The following COL4A2 variants were observed in gnomAD, a reference collection of about 807,000 sequenced individuals.
COL4A2 encodes the protein collagen type IV alpha 2 chain, also known as collagen alpha-2(IV) chain.
In COL4A2, 99 loss-of-function variants were observed where a neutral mutation model predicts 200.2. The ratio of observed to expected loss-of-function variants is 0.49; its 90% confidence interval spans 0.42 to 0.58. The LOEUF (loss-of-function observed/expected upper bound fraction) is 0.58, where lower values mean the gene tolerates loss of function less well. Ranked by LOEUF, COL4A2 falls within the 20% of genes least tolerant of loss-of-function variation. The probability of loss-of-function intolerance (pLI) is 0.00; values close to 1 mark genes in which losing one functional copy is unlikely to be tolerated. For missense variants in COL4A2, 1,950 were observed against 2,314.1 expected, an observed-to-expected ratio of 0.84 and a Z score of 3.23; for synonymous variants, 897 against 900.6, an observed-to-expected ratio of 1.00 and a Z score of 0.07.
intron 46 of COL4A2, among the ~76,000 whole-genome samples, chr13:110,507,198 C>A (rs1366999708): frequency 6.6e-6 from 1 of 152,212 alleles, no homozygotes; most frequent in African/African-American, 2.4e-5. Flanking sequence ...TCTGCCTCCT[C>A]GGTGCAGGTT....
intron 4 of COL4A2, among the ~76,000 whole-genome samples, chr13:110,384,242 G>C (rs1878598691): frequency 6.6e-6 from 1 of 152,228 alleles, no homozygotes. Flanking sequence ...GAAGTACATG[G>C]AAGACCTGGA....
At chr13:110,455,419 G>A (rs543418878) in intron 20 of COL4A2, among the ~76,000 whole-genome samples, 41 of 152,230 alleles carry the variant, frequency 2.7e-4, no homozygotes, top group African/African-American at 9.6e-4. Context: ...CACTTCCTCA[G>A]AAAGGACTCA....
At chr13:110,507,901 C>G (rs1566574663) in intron 46 of COL4A2, 34 bp from the exon 47 acceptor site, 1 of 1,603,990 alleles carries the variant, frequency 6.2e-7, no homozygotes, top group African/African-American at 1.3e-5. Flanking sequence ...TCTAGCCACA[C>G]TGCACTGTGA....
chr13:110,510,380 C>G (rs1884044130), intron 47 of COL4A2, among the ~76,000 whole-genome samples: 1 of 152,242 alleles, frequency 6.6e-6, no homozygotes, highest in South Asian at 2.1e-4. Flanking sequence ...CTACAAGTAT[C>G]TAGCCAGCCG....
chr13:110,397,054 T>G (rs1387496527), intron 4 of COL4A2, among the ~76,000 whole-genome samples: 2 of 152,172 alleles, frequency 1.3e-5, no homozygotes, highest in Non-Finnish European at 2.9e-5. Context: ...CTACCATCCT[T>G]GGTCATAACG....
At chr13:110,478,199 C>G in intron 30 of COL4A2, 35 bp downstream of exon 30, 1 of 1,489,360 alleles carries the variant, frequency 6.7e-7, no homozygotes, top group Non-Finnish European at 9.0e-7. Flanking sequence ...CGAGTGGGGT[C>G]CTCACTGGTC....
Position 110,495,457 on chromosome 13 carries a change from A to G in COL4A2, c.3750A>G (p.Gln1250=), listed in dbSNP as rs765179286. 1.2e-6 allele frequency: 2 copies of G among 1,612,716 alleles called. No individual in the cohort carries two copies. Among genetic ancestry groups the G allele is most frequent in the Admixed American group, 3.3e-5 (2 of 59,744 alleles). Residue 1250 remains glutamine, a synonymous_variant, in exon 40 of 48, where the codon CAA becomes CAG. Transcript: ENST00000360467. ...PVGVPGQKGD[Q]GAPGERGPPG... Reference sequence around the variant, plus strand: ...GAGTCCCAGGACAGAAAGGAGACCAAGGAGCTCCAGGTGAGGCCACACATT... The same window carrying G: ...GAGTCCCAGGACAGAAAGGAGACCAGGGAGCTCCAGGTGAGGCCACACATT...
chr13:110,364,572 GGAAA>G lies in COL4A2; in HGVS notation c.180+7027_180+7030del, dbSNP rs1877661504. ...TTCAAGAGAATGGTTAAATCTCGCT[GGAAA>G]GAAAGAGCCACATTATGCTCTGAAG... On this transcript the variant is annotated intron_variant, in intron 4 of 47. Coordinates refer to ENST00000360467, the MANE Select transcript of COL4A2 (RefSeq NM_001846.4). Among the ~76,000 whole-genome samples the G allele has an allele frequency of 4.6e-5, 7 of 152,232 alleles. No individual in the cohort carries two copies. In the South Asian group the frequency reaches 1.5e-3, roughly 32 times the overall value.
chr13:110,430,232 TCTGA>T (rs1880625536), intron 8 of COL4A2, 165 bp from the exon 9 acceptor site: 2 of 817,514 alleles, frequency 2.4e-6, no homozygotes, highest in African/African-American at 3.5e-5. Context: ...TAAAATATAT[TCTGA>T]CTAAATAACA....
At position 110,307,799 on chromosome 13, in the gene COL4A2, G is replaced by T. The variant is rs965256834; in HGVS notation, c.-44-61G>T. Reference sequence around the variant, plus strand: ...CCCCGCGTCTCGCGGACCGAGACCGGCGGTGAGGATGGGCTGCCTCCCTCA... The same window carrying T: ...CCCCGCGTCTCGCGGACCGAGACCGTCGGTGAGGATGGGCTGCCTCCCTCA... On this transcript the variant is annotated intron_variant, in intron 1 of 47. Transcript: ENST00000360467. This position sits in a 1 kb window ranked among gnomAD's most constrained non-coding sequence, Gnocchi z 5.0. 202 of 1,431,278 alleles carry T rather than the reference G, an allele frequency of 1.4e-4. 1 individual carries two copies. Among genetic ancestry groups the T allele is most frequent in the Admixed American group, 2.2e-5 (1 of 45,638 alleles). The allele number at this position is 1,431,278 out of a possible 1,614,324, so 88.7% of individuals were successfully genotyped here. A position where few individuals can be genotyped will look rare whatever the true frequency, so the allele number is the denominator to read the frequency against.
At chr13:110,443,167 C>G (rs949621735) in intron 16 of COL4A2, among the ~76,000 whole-genome samples, 3 of 152,202 alleles carry the variant, frequency 2.0e-5, no homozygotes, top group African/African-American at 7.2e-5. Flanking sequence ...GTCTTTTATA[C>G]TAAATCGCAT....
chr13:110,314,044 G>C (rs1193016921), intron 3 of COL4A2, among the ~76,000 whole-genome samples: 1 of 152,238 alleles, frequency 6.6e-6, no homozygotes, highest in Non-Finnish European at 1.5e-5. Context: ...GCGGGTCCTG[G>C]GACAGAAAAG....
chr13:110,434,275 G>A, intron 11 of COL4A2, 126 bp from the exon 12 acceptor site: 2 of 776,502 alleles, frequency 2.6e-6, no homozygotes, highest in Non-Finnish European at 4.2e-6. Flanking sequence ...AGAATATTAT[G>A]CAAATATAGT....
intron 4 of COL4A2, among the ~76,000 whole-genome samples, chr13:110,399,087 G>T (rs1244476015): frequency 6.6e-6 from 1 of 152,148 alleles, no homozygotes; most frequent in Non-Finnish European, 1.5e-5. Flanking sequence ...GGTAACTATT[G>T]TGAAGGATGT....
At chr13:110,380,039 T>G (rs1186626006) in intron 4 of COL4A2, among the ~76,000 whole-genome samples, 1 of 152,186 alleles carries the variant, frequency 6.6e-6, no homozygotes, top group Non-Finnish European at 1.5e-5. Flanking sequence ...TGCCAGCTAG[T>G]CCTGTTCTGA....
rs1452404173 is a variant in COL4A2 at position 110,413,654 on chromosome 13, CA to C, written c.181-11073del. 5.9e-5 allele frequency among the ~76,000 whole-genome samples: 9 copies of C among 152,100 alleles called. No individual in the cohort carries two copies. In the East Asian group the frequency reaches 1.7e-3, roughly 29 times the overall value. ...AGGGGTGTGCCAGGGCAGTGGGGGA[CA>C]AAAAAACGCAAAGGCTATGGCGGGG... On this transcript the variant is annotated intron_variant, in intron 4 of 47. Coordinates refer to ENST00000360467, the MANE Select transcript of COL4A2 (RefSeq NM_001846.4).
At chr13:110,490,452 G>C (rs1883252027) in intron 36 of COL4A2, among the ~76,000 whole-genome samples, 1 of 152,244 alleles carries the variant, frequency 6.6e-6, no homozygotes, top group South Asian at 2.1e-4. Flanking sequence ...GTCTGTCCAG[G>C]GTTGGCCAGT....
chr13:110,351,970 A>C (rs558915312), intron 3 of COL4A2, among the ~76,000 whole-genome samples: 1 of 152,222 alleles, frequency 6.6e-6, no homozygotes, highest in East Asian at 1.9e-4. Context: ...AAGCGGCACT[A>C]GATTGAAATG....
At position 110,479,278 on chromosome 13, in the gene COL4A2, C is replaced by T. The variant is rs77461844; in HGVS notation, c.2588-942C>T. On this transcript the variant is annotated intron_variant, in intron 30 of 47. Coordinates refer to ENST00000360467, the MANE Select transcript of COL4A2 (RefSeq NM_001846.4). ...GGAGAGAGACACACACATTAAAAGGCTCCCACTTGGCCTGGGCAAGCCAGC... is the reference window on the plus strand; with the variant it reads ...GGAGAGAGACACACACATTAAAAGGTTCCCACTTGGCCTGGGCAAGCCAGC... 6.9e-3 allele frequency among the ~76,000 whole-genome samples: 1,037 copies of T among 151,128 alleles called. 10 individuals are homozygous for T. Among genetic ancestry groups the T allele is most frequent in the African/African-American group, 0.024 (985 of 41,234 alleles).
Sources: gnomAD v4.1 joint callset for allele counts (sites outside exome capture counted in the v4.1 genomes callset) on GRCh38, gnomAD v4.1.1 for gene constraint, Gnocchi (gnomAD v3.1) non-coding constraint, MANE v1.5 for transcripts, NCBI Gene and HGNC (gene_info 2026-07-23, HGNC 2026-07-21) for gene names.